Variants in ABLIM2 observed in about 807,000 individuals in gnomAD.
ABLIM2 encodes actin-binding LIM protein 2.
In ABLIM2, 53 loss-of-function variants were observed where a neutral mutation model predicts 97.7. The ratio of observed to expected loss-of-function variants is 0.54; its 90% CI spans 0.44 to 0.68. The LOEUF (loss-of-function observed/expected upper bound fraction) is 0.68. Among genes scored for constraint, ABLIM2 ranks in the 30% least tolerant of loss-of-function variants. ABLIM2 has a pLI of 0.00. For synonymous variants in ABLIM2, 361 were observed against 345.8 expected, an observed-to-expected ratio of 1.04 and a Z score of -0.49; for missense variants, 835 against 867.2, an observed-to-expected ratio of 0.96 and a Z score of 0.47.
At chr4:8,000,542 T>C (rs1449708470) in intron 16 of ABLIM2, among the ~76,000 whole-genome samples, 5 of 152,060 alleles carry the variant, frequency 3.3e-5, no homozygotes, top group Admixed American at 1.3e-4. Flanking sequence ...TGGGATTGAA[T>C]TGTGGGTGGA....
chr4:8,032,182 G>C lies in ABLIM2; in HGVS notation c.1048-2406C>G, dbSNP rs1162402190. ...CTGATTGGCAGCTCTCTATGTCACT[G>C]ATTAATTTTGAGAAACAGAAAAAAA... On this transcript the variant is annotated intron_variant, in intron 10 of 20. Coordinates refer to ENST00000447017, the MANE Select transcript of ABLIM2 (RefSeq NM_001130083.2). This position sits in a 1 kb window ranked among gnomAD's most constrained non-coding sequence, Gnocchi z 4.3. Among the ~76,000 whole-genome samples, 2 of 139,074 alleles carry C rather than the reference G, an allele frequency of 1.4e-5. No homozygotes were observed. Among genetic ancestry groups the C allele is most frequent in the African/African-American group, 2.9e-5 (1 of 35,024 alleles). The allele number at this position is 139,074 out of a possible 152,430, so 91.2% of individuals were successfully genotyped here. A position where few individuals can be genotyped will look rare whatever the true frequency, so the allele number is the denominator to read the frequency against.
intron 4 of ABLIM2, among the ~76,000 whole-genome samples, chr4:8,084,763 T>G (rs565652941): frequency 6.6e-6 from 1 of 152,128 alleles, no homozygotes; most frequent in African/African-American, 2.4e-5. Flanking sequence ...TTTTCCCAAT[T>G]GCCAGCCTGC....
chr4:8,110,166 A>C (rs551200266), intron 1 of ABLIM2, among the ~76,000 whole-genome samples: 1 of 152,382 alleles, frequency 6.6e-6, no homozygotes, highest in South Asian at 2.1e-4. Context: ...TCTGAGGCTC[A>C]GTCAGAGCTC....
At chr4:7,977,687 A>G (rs2149525663) in intron 20 of ABLIM2, among the ~76,000 whole-genome samples, 1 of 152,168 alleles carries the variant, frequency 6.6e-6, no homozygotes, top group East Asian at 1.9e-4. Flanking sequence ...GCTACTCAGG[A>G]GGCTGGGGCA....
chr4:8,058,281 G>T lies in ABLIM2; in HGVS notation c.763+2686C>A, dbSNP rs541452402. Among the ~76,000 whole-genome samples, 2 of 152,206 alleles carry T rather than the reference G, an allele frequency of 1.3e-5. No homozygotes were observed. Among genetic ancestry groups the T allele is most frequent in the African/African-American group, 4.8e-5 (2 of 41,462 alleles). On this transcript the variant is annotated intron_variant, in intron 7 of 20. Transcript: ENST00000447017. The surrounding 1 kb of genome is among the most constrained non-coding windows in gnomAD (Gnocchi z 4.2). ...GGACGGTCCCAAAGGACCCTTTGACGGGCTCTCGAGCAGAGACTCAAGGAA... is the reference window on the plus strand; with the variant it reads ...GGACGGTCCCAAAGGACCCTTTGACTGGCTCTCGAGCAGAGACTCAAGGAA...
chr4:8,011,344 G>A lies in ABLIM2; in HGVS notation c.1424-2242C>T, dbSNP rs578139015. ...ACAGTTTAACCAGACTTGTACCAAC[G>A]GCTTTTTTAAAAACCAGTTTGCTAG... On this transcript the variant is annotated intron_variant, in intron 14 of 20. Coordinates refer to ENST00000447017, the MANE Select transcript of ABLIM2 (RefSeq NM_001130083.2). 3.3e-5 allele frequency among the ~76,000 whole-genome samples: 5 copies of A among 152,314 alleles called. No individual in the cohort carries two copies. The East Asian group carries it at 5.8e-4, about 18-fold the overall frequency.
chr4:8,110,026 G>A (rs968115917), intron 1 of ABLIM2, among the ~76,000 whole-genome samples: 4 of 152,232 alleles, frequency 2.6e-5, no homozygotes, highest in East Asian at 1.9e-4. Flanking sequence ...GGCTGGAATC[G>A]AAGCCTCCCA....
intron 3 of ABLIM2, 64 bp from the exon 4 acceptor site, chr4:8,088,348 T>A: frequency 7.5e-7 from 1 of 1,336,128 alleles, no homozygotes; most frequent in South Asian, 1.3e-5. Context: ...GGGAGCCCTG[T>A]CCCAGTGCAG....
intron 2 of ABLIM2, among the ~76,000 whole-genome samples, chr4:8,102,064 G>T (rs1268079668): frequency 6.6e-6 from 1 of 152,164 alleles, no homozygotes; most frequent in Non-Finnish European, 1.5e-5. Context: ...GAGATCCATG[G>T]AAACCTACAA....
chr4:8,090,638 C>T (rs1388250707), intron 3 of ABLIM2, among the ~76,000 whole-genome samples: 7 of 152,166 alleles, frequency 4.6e-5, no homozygotes, highest in East Asian at 1.9e-4. Flanking sequence ...CCCCAGGCAC[C>T]GTGATCATCA....
chr4:7,983,182 C>T lies in ABLIM2; in HGVS notation c.1824+82G>A, dbSNP rs764888243. ...TCCCCCACGGTGGCCCCTTGGGCAA[C>T]GACCTTGACACCACGGAGGAGGCAT... On this transcript the variant is annotated intron_variant, in intron 20 of 20. Coordinates refer to ENST00000447017, the MANE Select transcript of ABLIM2 (RefSeq NM_001130083.2). 1.2e-5 allele frequency: 18 copies of T among 1,456,456 alleles called. 1 individual carries two copies. Among genetic ancestry groups the T allele is most frequent in the Middle Eastern group, 1.7e-4 (1 of 5,802 alleles). The allele number at this position is 1,456,456 out of a possible 1,614,324, so 90.2% of individuals were successfully genotyped here.
At chr4:8,158,133 G>C (rs546224462) in intron 1 of ABLIM2, among the ~76,000 whole-genome samples, 1 of 152,320 alleles carries the variant, frequency 6.6e-6, no homozygotes, top group East Asian at 1.9e-4. Context: ...CGCAGAGATC[G>C]GGTCGGGGCC....
chr4:8,144,545 TGGAGGGAG>T (rs200490450), intron 1 of ABLIM2, among the ~76,000 whole-genome samples: 1 of 144,120 alleles, frequency 6.9e-6, no homozygotes, highest in African/African-American at 2.5e-5. Context: ...ATGCAGATTA[TGGAGGGAG>T]GGAGGGAGGG....
At position 7,970,243 on chromosome 4, in the gene ABLIM2, G is replaced by A. The variant is rs1017450556; in HGVS notation, c.1825-3140C>T. Among the ~76,000 whole-genome samples, 6 of 152,118 alleles carry A rather than the reference G, an allele frequency of 3.9e-5. No homozygotes were observed. The highest frequency in any genetic ancestry group is 2.1e-4 in the South Asian group (1 of 4,832). On this transcript the variant is annotated intron_variant, in intron 20 of 20. Coordinates refer to ENST00000447017, the MANE Select transcript of ABLIM2 (RefSeq NM_001130083.2). The surrounding 1 kb of genome is among the most constrained non-coding windows in gnomAD (Gnocchi z 5.3). ...GAGGGGAGGCTGACACCGGAAGGGC[G>A]AGGAGAGTTCAGTGCTGGTGCCTGG...
intron 1 of ABLIM2, among the ~76,000 whole-genome samples, chr4:8,139,717 G>A (rs1850683585): frequency 6.6e-6 from 1 of 152,174 alleles, no homozygotes. Flanking sequence ...TCCAGAACCA[G>A]AAATACCATT....
chr4:8,096,988 T>A, intron 3 of ABLIM2, 111 bp downstream of exon 3: 2 of 1,319,898 alleles, frequency 1.5e-6, no homozygotes, highest in Non-Finnish European at 2.1e-6. Context: ...CGCTGCAGGA[T>A]GCAGAGGGCG....
rs190658877 is a variant in ABLIM2 at position 8,132,923 on chromosome 4, G to A, written c.10+25757C>T. 1.6e-3 allele frequency among the ~76,000 whole-genome samples: 246 copies of A among 152,268 alleles called. 1 individual carries two copies. The highest frequency in any genetic ancestry group is 5.5e-3 in the African/African-American group (228 of 41,556). ...CAGTTCCTGACTCGATGGGTGTCCC[G>A]TGGCTGCTGTGACACAGTGCCACAG... On this transcript the variant is annotated intron_variant, in intron 1 of 20. Transcript: ENST00000447017. The surrounding 1 kb of genome is among the most constrained non-coding windows in gnomAD (Gnocchi z 8.0).
chr4:8,114,144 G>A (rs1270401934), intron 1 of ABLIM2, among the ~76,000 whole-genome samples: 2 of 152,212 alleles, frequency 1.3e-5, no homozygotes, highest in African/African-American at 2.4e-5. Flanking sequence ...CCTCATGGGC[G>A]GGGGCTGTGC....
chr4:8,043,614 G>A lies in ABLIM2; in HGVS notation c.900+1550C>T, dbSNP rs1212531770. 6.6e-6 allele frequency among the ~76,000 whole-genome samples: 1 copy of A among 152,170 alleles called. No homozygotes were observed. The highest frequency in any genetic ancestry group is 2.4e-5 in the African/African-American group (1 of 41,434). On this transcript the variant is annotated intron_variant, in intron 9 of 20. Transcript: ENST00000447017. The surrounding 1 kb of genome is among the most constrained non-coding windows in gnomAD (Gnocchi z 4.8). ...ATGCACACAGATGACCCGTGATGAT[G>A]CAAGGAGAGGACGGCCGCCTGCGGG...
Sources: allele counts gnomAD v4.1 joint callset (sites outside exome capture counted in the v4.1 genomes callset), GRCh38; gene constraint gnomAD v4.1.1; non-coding constraint Gnocchi (gnomAD v3.1); transcripts MANE v1.5; gene names NCBI Gene and HGNC (gene_info 2026-07-23, HGNC 2026-07-21).